The following CD36 variants were observed in gnomAD, a reference collection of about 807,000 sequenced individuals.
The protein encoded by CD36 is CD36 molecule (CD36 blood group), also known as platelet glycoprotein 4.
CD36 carries 119 observed loss-of-function variants against 55.2 expected under a neutral mutation model. That is an observed-to-expected ratio of 2.15 (90% CI 1.86 to 2.51). CD36 has a LOEUF of 2.51. Ranked by LOEUF, CD36 falls within the 30% of genes most tolerant of loss-of-function variation. The probability of loss-of-function intolerance (pLI) is 0.00; values close to 1 mark genes in which losing one functional copy is unlikely to be tolerated. For synonymous variants in CD36, 186 were observed against 193.6 expected, an observed-to-expected ratio of 0.96 and a Z score of 0.33; for missense variants, 819 against 555.5, an observed-to-expected ratio of 1.47 and a Z score of -4.77.
intron 7 of CD36, among the ~76,000 whole-genome samples, chr7:80,665,062 T>C (rs1796932992): frequency 6.6e-6 from 1 of 152,148 alleles, no homozygotes; most frequent in Non-Finnish European, 1.5e-5. Context: ...TAACTCAGCT[T>C]TTTTAACTTT....
chr7:80,646,645 A>C lies in CD36; in HGVS notation c.-89-7A>C. The C allele has an allele frequency of 7.0e-7, 1 of 1,431,414 alleles. No individual in the cohort carries two copies. The highest frequency in any genetic ancestry group is 9.8e-7 in the Non-Finnish European group (1 of 1,015,566). The allele number at this position is 1,431,414 out of a possible 1,614,324, so 88.7% of individuals were successfully genotyped here. A position where few individuals can be genotyped will look rare whatever the true frequency, so the allele number is the denominator to read the frequency against. ...GCTTCTGTTTTATGATCTCTTTCTA[A>C]TGATAGAACCAGAGCTTGTAGAAAC... is the stretch of plus-strand genomic sequence containing the variant. On this transcript the variant is annotated splice_region_variant and splice_polypyrimidine_tract_variant and intron_variant, in intron 2 of 14. Transcript: ENST00000447544.
At chr7:80,610,861 C>T (rs974772946) in intron 1 of CD36, among the ~76,000 whole-genome samples, 1 of 152,216 alleles carries the variant, frequency 6.6e-6, no homozygotes, top group Non-Finnish European at 1.5e-5. Context: ...GCCTGAGCCA[C>T]GGCACCCAGC....
chr7:80,653,204 T>G (rs1269621785), intron 3 of CD36, among the ~76,000 whole-genome samples: 2 of 152,170 alleles, frequency 1.3e-5, no homozygotes, highest in Non-Finnish European at 2.9e-5. Context: ...AACTCGTAGA[T>G]TAAAATCTGC....
At chr7:80,629,503 T>C (rs535035360) in intron 1 of CD36, among the ~76,000 whole-genome samples, 37 of 152,138 alleles carry the variant, frequency 2.4e-4, no homozygotes, top group Admixed American at 7.9e-4. Flanking sequence ...CATCAACATA[T>C]GGAGAAACTT....
rs1289386434 is a variant in CD36 at position 80,672,024 on chromosome 7, ACTTGGATATT to A, written c.1110_1119del (p.Tyr370Ter). 1.2e-6 allele frequency: 2 copies of A among 1,607,600 alleles called. No homozygotes were observed. The highest frequency in any genetic ancestry group is 1.7e-6 in the Non-Finnish European group (2 of 1,175,294). ...CCAAATGAAGAAGAACATAGGACAT[ACTTGGATATT>A]GAACCTGTAAGAAAACACCTTATTG... On this transcript the variant is annotated frameshift_variant, in exon 11 of 15. Transcript: ENST00000447544. LOFTEE classifies it high-confidence loss of function.
intron 1 of CD36, among the ~76,000 whole-genome samples, chr7:80,612,204 A>C (rs1342921063): frequency 6.6e-6 from 1 of 152,204 alleles, no homozygotes; most frequent in African/African-American, 2.4e-5. Flanking sequence ...ATTCTTTTGA[A>C]TGTCCTTCTT....
intron 1 of CD36, chr7:80,633,104 T>C (rs965312960): frequency 6.6e-6 from 1 of 152,034 alleles, no homozygotes; most frequent in Admixed American, 6.6e-5. Context: ...CTATCTACTC[T>C]ATGAACACAG....
intron 1 of CD36, among the ~76,000 whole-genome samples, chr7:80,629,797 T>G (rs1191910080): frequency 6.6e-6 from 1 of 152,012 alleles, no homozygotes; most frequent in Admixed American, 6.6e-5. Flanking sequence ...ACATACACCT[T>G]AACACTCATG....
chr7:80,668,629 A>G (rs1239324668), intron 8 of CD36, among the ~76,000 whole-genome samples: 3 of 152,186 alleles, frequency 2.0e-5, no homozygotes, highest in Non-Finnish European at 2.9e-5. Flanking sequence ...CATAATCTTC[A>G]ATGATATTTT....
At chr7:80,660,990 A>G (rs1584417006) in intron 4 of CD36, 73 bp from the exon 5 acceptor site, 2 of 1,105,448 alleles carry the variant, frequency 1.8e-6, no homozygotes, top group East Asian at 4.7e-5. Context: ...TCATTTGTTG[A>G]ATGAATGACA....
chr7:80,666,658 A>G (rs1023562756), intron 8 of CD36, among the ~76,000 whole-genome samples, 169 bp downstream of exon 8: 15 of 152,216 alleles, frequency 9.9e-5, no homozygotes, highest in African/African-American at 3.6e-4. Flanking sequence ...GGTCTGTTCA[A>G]TGTGATGGGA....
At chr7:80,627,626 A>G (rs550138463) in intron 1 of CD36, among the ~76,000 whole-genome samples, 7 of 152,202 alleles carry the variant, frequency 4.6e-5, no homozygotes, top group African/African-American at 1.7e-4. Flanking sequence ...ATTAGGTGGT[A>G]GAGTACAAAT....
intron 5 of CD36, among the ~76,000 whole-genome samples, chr7:80,661,846 C>T (rs1046214107): frequency 3.9e-5 from 6 of 152,074 alleles, no homozygotes; most frequent in Admixed American, 2.0e-4. Flanking sequence ...AAGTCGAATT[C>T]GGCTATTTGC....
rs1227890075 is a variant in CD36 at position 80,678,521 on chromosome 7, A to G, written c.*2138A>G. On this transcript the variant is annotated 3_prime_UTR_variant, in exon 15 of 15. Transcript: ENST00000447544. The stretch of plus-strand genomic sequence containing the variant: ...AAGGAGGGTATCATTTCAAGAAAAA[A>G]AATAGCTATCACGCAATGGTTATCT... 3 of 152,176 alleles carry G rather than the reference A, an allele frequency of 2.0e-5. No individual in the cohort carries two copies. The highest frequency in any genetic ancestry group is 7.2e-5 in the African/African-American group (3 of 41,444). The allele number at this position is 152,176 out of a possible 1,614,324, so 9.4% of individuals were successfully genotyped here. A position where few individuals can be genotyped will look rare whatever the true frequency, so the allele number is the denominator to read the frequency against.
intron 1 of CD36, among the ~76,000 whole-genome samples, chr7:80,626,472 T>C (rs1186412462): frequency 6.6e-6 from 1 of 152,132 alleles, no homozygotes; most frequent in East Asian, 1.9e-4. Context: ...TTGTACTATA[T>C]TTAAAGCATG....
intron 1 of CD36, among the ~76,000 whole-genome samples, chr7:80,625,459 G>T (rs1793691169): frequency 6.6e-6 from 1 of 152,168 alleles, no homozygotes; most frequent in South Asian, 2.1e-4. Context: ...AGTGGGCATT[G>T]TGTGAAGATA....
At position 80,661,099 on chromosome 7, in the gene CD36, C is replaced by A; in HGVS notation, c.318C>A (p.Asp106Glu). 6.2e-7 allele frequency: 1 copy of A among 1,613,810 alleles called. No individual in the cohort carries two copies. The highest frequency in any genetic ancestry group is 8.5e-7 in the Non-Finnish European group (1 of 1,179,704). The change falls in exon 5 of 15, where the codon GAC becomes GAA. Residue 106 changes from aspartate (D) to glutamate (E), a missense_variant. Asp to Glu is a conservative substitution (Grantham distance 45). Transcript: ENST00000447544. ...RFLAKENVTQ[D>E]AEDNTVSFLQ... is the part of the protein sequence containing the mutation. Reference sequence around the variant, plus strand: ...TAGCCAAGGAAAATGTAACCCAGGACGCTGAGGACAACACAGTCTCTTTCC... The same window carrying A: ...TAGCCAAGGAAAATGTAACCCAGGAAGCTGAGGACAACACAGTCTCTTTCC...
intron 3 of CD36, among the ~76,000 whole-genome samples, chr7:80,651,461 T>G (rs1185310751): frequency 6.6e-6 from 1 of 152,052 alleles, no homozygotes; most frequent in African/African-American, 2.4e-5. Flanking sequence ...AAAAAGGAAT[T>G]ATAGGTTTCT....
At chr7:80,637,153 T>C (rs968149980), upstream of CD36, 1 of 152,104 alleles carries the variant, frequency 6.6e-6, no homozygotes, top group African/African-American at 2.4e-5. Flanking sequence ...AACCCTTTCG[T>C]TGGTAATCTT....
Sources: gnomAD v4.1 joint callset for allele counts (sites outside exome capture counted in the v4.1 genomes callset) on GRCh38, gnomAD v4.1.1 for gene constraint, MANE v1.5 for transcripts, NCBI Gene and HGNC (gene_info 2026-07-23, HGNC 2026-07-21) for gene names.